Variants in OCA2 observed in about 807,000 individuals in gnomAD.
OCA2 encodes the protein P protein.
OCA2 carries 77 observed loss-of-function variants against 100.2 expected under a neutral mutation model. The ratio of observed to expected loss-of-function variants is 0.77; its 90% confidence interval spans 0.64 to 0.93. The LOEUF (loss-of-function observed/expected upper bound fraction) is 0.93. Among genes scored for constraint, OCA2 ranks in the 40% least tolerant of loss-of-function variants. The pLI is 0.00. For synonymous variants in OCA2, 432 were observed against 439.2 expected, an observed-to-expected ratio of 0.98 and a Z score of 0.21; for missense variants, 1,062 against 1,089.1, an observed-to-expected ratio of 0.98 and a Z score of 0.35.
rs142477970 is a variant in OCA2 at position 27,886,817 on chromosome 15, C to T, written c.2080-14895G>A. Among the ~76,000 whole-genome samples, 510 of 152,246 alleles carry T rather than the reference C, an allele frequency of 3.3e-3. 1 individual carries two copies. The highest frequency in any genetic ancestry group is 5.9e-3 in the Non-Finnish European group (404 of 68,024). Reference sequence around the variant, plus strand: ...TACTCCTGCCAAGCACACCTATAAACCCTGGGAATAAAGCAAGAGGCAACT... The same window carrying T: ...TACTCCTGCCAAGCACACCTATAAATCCTGGGAATAAAGCAAGAGGCAACT... On this transcript the variant is annotated intron_variant, in intron 19 of 23. Transcript: ENST00000354638.
intron 11 of OCA2, among the ~76,000 whole-genome samples, chr15:27,987,613 C>T (rs1344744568): frequency 6.6e-6 from 1 of 151,546 alleles, no homozygotes; most frequent in African/African-American, 2.4e-5. Flanking sequence ...CCTGTAGTCC[C>T]AGCTACTCAG....
intron 21 of OCA2, among the ~76,000 whole-genome samples, chr15:27,869,014 C>T (rs2036437299): frequency 6.6e-6 from 1 of 152,226 alleles, no homozygotes; most frequent in Admixed American, 6.5e-5. Flanking sequence ...ATGTCCCCTT[C>T]CCACCCAAGG....
chr15:27,964,859 G>A (rs1468631492), intron 15 of OCA2, among the ~76,000 whole-genome samples: 2 of 152,106 alleles, frequency 1.3e-5, no homozygotes, highest in African/African-American at 4.8e-5. Context: ...CCGGCCATAG[G>A]GTTCCTGCAT....
the OCA2 span, among the ~76,000 whole-genome samples, chr15:27,734,286 C>CAA: frequency 0.04 from 3,080 of 76,238 alleles, 206 homozygotes; most frequent in African/African-American, 0.099. Context: ...TTTTCAAGAG[C>CAA]AAAAAAAAAA....
chr15:28,029,527 A>C (rs940839667), intron 3 of OCA2, among the ~76,000 whole-genome samples: 3 of 152,226 alleles, frequency 2.0e-5, no homozygotes, highest in Non-Finnish European at 4.4e-5. Context: ...TTCCCTGTCC[A>C]ATATGGCAGC....
rs369449638 is a variant in OCA2 at position 28,096,100 on chromosome 15, G to GTGTCTCCGGGGGCGTAGCT, written c.-22+3105_-22+3123dup. 4.2e-3 allele frequency among the ~76,000 whole-genome samples: 643 copies of GTGTCTCCGGGGGCGTAGCT among 152,020 alleles called. 2 individuals are homozygous for GTGTCTCCGGGGGCGTAGCT. Among genetic ancestry groups the GTGTCTCCGGGGGCGTAGCT allele is most frequent in the African/African-American group, 0.015 (610 of 41,396 alleles). ...TGGCTGCGTCTGCAAAGGCGTCAAT[G>GTGTCTCCGGGGGCGTAGCT]TGTCTCCGGGGGCGTAGCTTGTCTC... On this transcript the variant is annotated intron_variant, in intron 1 of 23. Transcript: ENST00000354638.
intron 23 of OCA2, among the ~76,000 whole-genome samples, chr15:27,757,894 G>C (rs1203486922): frequency 6.6e-6 from 1 of 152,224 alleles, no homozygotes; most frequent in Non-Finnish European, 1.5e-5. Context: ...CCTGGTGCAT[G>C]AGTTGTGTTT....
chr15:27,976,289 A>G (rs908270316), intron 14 of OCA2, among the ~76,000 whole-genome samples: 1 of 152,194 alleles, frequency 6.6e-6, no homozygotes, highest in African/African-American at 2.4e-5. Context: ...AGCCTCCAAT[A>G]AAATGTTGAA....
rs918693810 is a variant in OCA2 at position 27,957,616 on chromosome 15, G to A, written c.1756C>T (p.Leu586Phe). ...LGKVLALEHLLARRLHTFHRQ... is the reference protein window; with the variant it reads ...LGKVLALEHLFARRLHTFHRQ... ...TGGAAGGTGTGCAGCCTCCGGGCGA[G>A]CAGGTGCTCCAGTGCCAGCACCTTC... is the stretch of plus-strand genomic sequence containing the variant. The change falls in exon 16 of 24, where the codon CTC becomes TTC. Residue 586 changes from leucine (L) to phenylalanine (F), a missense_variant. Physicochemically the swap from Leu to Phe is conservative, Grantham distance 22 (BLOSUM62 0). Coordinates refer to ENST00000354638, the MANE Select transcript of OCA2 (RefSeq NM_000275.3). This position sits in a 1 kb window ranked among gnomAD's most constrained non-coding sequence, Gnocchi z 4.3. The A allele has an allele frequency of 5.0e-6, 8 of 1,612,782 alleles. No individual in the cohort carries two copies. In the African/African-American group the frequency reaches 6.7e-5, roughly 13 times the overall value.
chr15:27,865,846 C>T (rs911015528), intron 21 of OCA2, among the ~76,000 whole-genome samples: 1 of 152,138 alleles, frequency 6.6e-6, no homozygotes, highest in Admixed American at 6.5e-5. Flanking sequence ...GAACTAGACC[C>T]GCGTTGCCAC....
At chr15:27,758,428 T>C (rs2030560338) in intron 23 of OCA2, among the ~76,000 whole-genome samples, 1 of 152,124 alleles carries the variant, frequency 6.6e-6, no homozygotes, top group South Asian at 2.1e-4. Context: ...CCCTCTCCTG[T>C]GGTAACAGCA....
chr15:28,018,980 T>C (rs183542664), intron 6 of OCA2, among the ~76,000 whole-genome samples: 112 of 152,306 alleles, frequency 7.4e-4, no homozygotes, highest in African/African-American at 2.6e-3. Flanking sequence ...CAAGCTCAGC[T>C]GTTTCTTGTC....
At chr15:27,936,797 G>A (rs759475201) in intron 18 of OCA2, among the ~76,000 whole-genome samples, 5 of 152,122 alleles carry the variant, frequency 3.3e-5, no homozygotes, top group Non-Finnish European at 5.9e-5. Flanking sequence ...ACCAAAGCTC[G>A]GAGTGAAGCT....
At chr15:27,792,676 C>T (rs1312632957) in intron 23 of OCA2, among the ~76,000 whole-genome samples, 1 of 152,184 alleles carries the variant, frequency 6.6e-6, no homozygotes, top group Non-Finnish European at 1.5e-5. Context: ...CCGGGTGTAC[C>T]TCAACCACAC....
Position 27,824,600 on chromosome 15 carries a change from C to A in OCA2, c.2432+20359G>T, listed in dbSNP as rs868575466. Among the ~76,000 whole-genome samples the A allele has an allele frequency of 4.6e-3, 177 of 38,502 alleles. 5 individuals carry two copies. The highest frequency in any genetic ancestry group is 7.5e-3 in the African/African-American group (32 of 4,240). 25.3% of individuals were successfully genotyped at this position (38,502 alleles called of 152,430 possible). On this transcript the variant is annotated intron_variant, in intron 23 of 23. Transcript: ENST00000354638. ...AATTTCTCTCTCTCTCTCTCTCTCT[C>A]TCTATATATATATATATATATAATA... is the stretch of plus-strand genomic sequence containing the variant.
intron 19 of OCA2, among the ~76,000 whole-genome samples, chr15:27,875,121 C>T (rs750595062): frequency 2.0e-5 from 3 of 151,868 alleles, no homozygotes; most frequent in Non-Finnish European, 2.9e-5. Context: ...AAAACAACAA[C>T]GAAAAAGAGA....
chr15:28,042,575 G>T (rs2043236142), intron 2 of OCA2, among the ~76,000 whole-genome samples: 1 of 151,964 alleles, frequency 6.6e-6, no homozygotes, highest in Non-Finnish European at 1.5e-5. Context: ...AGGAGGTGGA[G>T]ATTGCAGTGA....
chr15:28,020,480 G>A (rs1032397563), intron 6 of OCA2, among the ~76,000 whole-genome samples: 2 of 152,036 alleles, frequency 1.3e-5, no homozygotes, highest in South Asian at 2.1e-4. Context: ...CCTGGCAGCC[G>A]GTTGCTCTAT....
intron 18 of OCA2, among the ~76,000 whole-genome samples, chr15:27,946,345 C>A (rs564299261): frequency 6.6e-6 from 1 of 152,228 alleles, no homozygotes; most frequent in South Asian, 2.1e-4. Flanking sequence ...TCAGACAAAG[C>A]GAAAACCTAA....
Sources: gnomAD v4.1 joint callset for allele counts (sites outside exome capture counted in the v4.1 genomes callset) on GRCh38, gnomAD v4.1.1 for gene constraint, Gnocchi (gnomAD v3.1) non-coding constraint, MANE v1.5 for transcripts, NCBI Gene and HGNC (gene_info 2026-07-23, HGNC 2026-07-21) for gene names.